FBN2: variants seen among roughly 807,000 people sequenced by gnomAD.
The protein encoded by FBN2 is fibrillin 2, also known as fibrillin-2.
A neutral mutation model predicts 355.6 loss-of-function variants in FBN2; 105 were observed. That is an observed-to-expected ratio of 0.30 (90% CI 0.25 to 0.35). The LOEUF (loss-of-function observed/expected upper bound fraction) is 0.35, where lower values mean the gene tolerates loss of function less well. FBN2 is among the 10% of genes least tolerant of loss of function. FBN2 has a pLI of 1.00. For missense variants in FBN2, 3,280 were observed against 3,758.7 expected (o/e 0.87, Z 3.33); for synonymous variants, 1,350 against 1,301.2 (o/e 1.04, Z -0.81).
rs775905979 is a variant in FBN2, at chr5:128,280,272, C to T, written c.7058G>A (p.Arg2353His). Reference protein sequence around the residue: ...RTKPGICENGRCVNIIGSYRC... With the variant: ...RTKPGICENGHCVNIIGSYRC... Reference sequence around the variant, plus strand: ...ATAGCTTCCAATAATGTTAACACAACGTCCATTTTCACAGATTCCTGGCTT... The same window carrying T: ...ATAGCTTCCAATAATGTTAACACAATGTCCATTTTCACAGATTCCTGGCTT... Residue 2353 changes from arginine to histidine, a missense_variant, in exon 56 of 65, where the codon CGT becomes CAT. This residue lies in a region of FBN2 where 2,284 missense variants were observed against 2,749.5 expected (regional missense o/e 0.83). Transcript: ENST00000262464. The T allele has an allele frequency of 9.3e-6, 15 of 1,611,010 alleles. No individual in the cohort carries two copies. Among genetic ancestry groups the T allele is most frequent in the African/African-American group, 1.3e-5 (1 of 74,848 alleles).
intron 27 of FBN2, among the ~76,000 whole-genome samples, chr5:128,337,209 C>G (rs1176492491): frequency 5.9e-5 from 9 of 152,238 alleles, no homozygotes; most frequent in Admixed American, 2.6e-4. Context: ...ATCTATTTAT[C>G]TATGACAAAA....
intron 5 of FBN2, among the ~76,000 whole-genome samples, chr5:128,472,883 G>A (rs886955708): frequency 2.0e-5 from 3 of 152,024 alleles, no homozygotes; most frequent in African/African-American, 7.2e-5. Context: ...AGCTCCGGGA[G>A]TAAGTAGACT....
intron 13 of FBN2, 130 bp from the exon 14 acceptor site, chr5:128,376,983 T>C: frequency 8.7e-7 from 1 of 1,154,170 alleles, no homozygotes; most frequent in Middle Eastern, 2.6e-4. Flanking sequence ...TAGTTTTTTT[T>C]AAAAAAAGAA....
At chr5:128,521,297 A>G (rs1052394581) in intron 4 of FBN2, among the ~76,000 whole-genome samples, 8 of 152,196 alleles carry the variant, frequency 5.3e-5, no homozygotes, top group East Asian at 3.9e-4. Flanking sequence ...GTTCTCACTT[A>G]TAAGTGGGAA....
intron 11 of FBN2, among the ~76,000 whole-genome samples, chr5:128,385,213 C>A (rs571804444): frequency 7.0e-4 from 107 of 152,224 alleles, no homozygotes; most frequent in African/African-American, 2.4e-3. Context: ...CCTCCTCCCA[C>A]CTTCCACTCT....
intron 5 of FBN2, among the ~76,000 whole-genome samples, chr5:128,500,087 T>C (rs1025580222): frequency 3.3e-5 from 5 of 152,168 alleles, no homozygotes; most frequent in African/African-American, 4.8e-5. Context: ...TCATCTTCGA[T>C]TGGAAGCCCC....
At chr5:128,268,532 A>G (rs760208080) in intron 62 of FBN2, among the ~76,000 whole-genome samples, 35 of 152,266 alleles carry the variant, frequency 2.3e-4, no homozygotes, top group Non-Finnish European at 4.6e-4. Flanking sequence ...TTATGAAGGT[A>G]GCATCATCCT....
chr5:128,452,500 T>A (rs1229841563), intron 6 of FBN2, among the ~76,000 whole-genome samples: 1 of 152,166 alleles, frequency 6.6e-6, no homozygotes. Context: ...TTAAACTTAT[T>A]TTATTACATA....
intron 14 of FBN2, among the ~76,000 whole-genome samples, 175 bp from the exon 15 acceptor site, chr5:128,374,925 T>G (rs10063867): frequency 7.2e-5 from 11 of 152,320 alleles, no homozygotes; most frequent in African/African-American, 2.6e-4. Context: ...TTTCAACACA[T>G]TTCAGAATGC....
At chr5:128,451,648 C>T (rs938493913) in intron 6 of FBN2, among the ~76,000 whole-genome samples, 19 of 152,274 alleles carry the variant, frequency 1.2e-4, no homozygotes, top group African/African-American at 2.6e-4. Flanking sequence ...GATCCACCCG[C>T]CTTGGCCTCC....
intron 7 of FBN2, among the ~76,000 whole-genome samples, chr5:128,445,514 C>CT (rs1433853607): frequency 6.6e-6 from 1 of 152,030 alleles, no homozygotes; most frequent in Non-Finnish European, 1.5e-5. Flanking sequence ...TTCCCATTTT[C>CT]TTTTTTACAA....
At chr5:128,303,598 A>G (rs1223073176) in intron 45 of FBN2, among the ~76,000 whole-genome samples, 2 of 152,232 alleles carry the variant, frequency 1.3e-5, no homozygotes, top group Non-Finnish European at 2.9e-5. Context: ...AACTGAATTA[A>G]GAAAATATTT....
chr5:128,304,048 C>T (rs767566705), intron 45 of FBN2, among the ~76,000 whole-genome samples: 1 of 152,044 alleles, frequency 6.6e-6, no homozygotes, highest in Non-Finnish European at 1.5e-5. Flanking sequence ...CCAGGTATTC[C>T]CTGTTGTATG....
At chr5:128,411,570 G>A (rs534868260) in intron 7 of FBN2, among the ~76,000 whole-genome samples, 7 of 152,278 alleles carry the variant, frequency 4.6e-5, no homozygotes, top group East Asian at 1.9e-4. Context: ...TTCTCCTCTC[G>A]ACATTCAGAT....
chr5:128,453,990 G>C (rs958003917), intron 6 of FBN2, among the ~76,000 whole-genome samples: 10 of 144,922 alleles, frequency 6.9e-5, no homozygotes, highest in Admixed American at 5.5e-4. Context: ...GAAATGGCTT[G>C]CCCCCCCCCC....
At chr5:128,276,623 C>T (rs1343279559) in intron 58 of FBN2, among the ~76,000 whole-genome samples, 1 of 152,102 alleles carries the variant, frequency 6.6e-6, no homozygotes, top group African/African-American at 2.4e-5. Context: ...CTCTCAGGCC[C>T]AAGAGATGGA....
chr5:128,328,903 T>G, intron 33 of FBN2, 82 bp from the exon 34 acceptor site: 1 of 1,447,544 alleles, frequency 6.9e-7, no homozygotes, highest in Admixed American at 1.7e-5. Flanking sequence ...ATAGATCAGT[T>G]TTACTGGCTT....
intron 7 of FBN2, among the ~76,000 whole-genome samples, chr5:128,426,494 G>A (rs1753486771): frequency 1.3e-5 from 2 of 152,146 alleles, no homozygotes; most frequent in African/African-American, 4.8e-5. Context: ...AGTGCAAGCA[G>A]AAAGCAACTA....
At chr5:128,365,493 T>C (rs1751743275) in intron 17 of FBN2, 1 of 152,128 alleles carries the variant, frequency 6.6e-6, no homozygotes, top group South Asian at 2.1e-4. Context: ...CTTAAATATT[T>C]TGGAAATGTC....
Sources: gnomAD v4.1 joint callset for allele counts (sites outside exome capture counted in the v4.1 genomes callset) on GRCh38, gnomAD v4.1.1 for gene constraint, gnomAD v4.1.1 regional missense constraint, MANE v1.5 for transcripts, NCBI Gene and HGNC (gene_info 2026-07-23, HGNC 2026-07-21) for gene names.